Variants in ASIC2 observed in about 807,000 individuals in gnomAD.
ASIC2 encodes the protein acid-sensing ion channel 2.
A neutral mutation model predicts 57.3 loss-of-function variants in ASIC2; 25 were observed. The ratio of observed to expected loss-of-function variants is 0.44; its 90% CI spans 0.32 to 0.61. The LOEUF is 0.61. Ranked by LOEUF, ASIC2 falls within the 20% of genes least tolerant of loss-of-function variation. The pLI is 0.06. For synonymous variants in ASIC2, 319 were observed against 307.5 expected (o/e 1.04, Z -0.39); for missense variants, 641 against 738.1 (o/e 0.87, Z 1.52).
chr17:33,057,602 G>A (rs1311371001), intron 3 of ASIC2, among the ~76,000 whole-genome samples: 5 of 152,216 alleles, frequency 3.3e-5, no homozygotes, highest in Non-Finnish European at 2.9e-5. Flanking sequence ...TCTGGGCAGA[G>A]GAACTGCCCT....
chr17:33,879,534 C>A (rs1474554753), intron 1 of ASIC2, among the ~76,000 whole-genome samples: 1 of 152,160 alleles, frequency 6.6e-6, no homozygotes, highest in African/African-American at 2.4e-5. Context: ...GTAAAGGGAT[C>A]AATGCAACAA....
intron 1 of ASIC2, among the ~76,000 whole-genome samples, chr17:33,662,637 AAATAAAT>A (rs1907311275): frequency 7.7e-6 from 1 of 129,500 alleles, no homozygotes; most frequent in Non-Finnish European, 1.6e-5. Context: ...ATAAATAAAT[AAATAAAT>A]AAATAAATAA....
intron 1 of ASIC2, among the ~76,000 whole-genome samples, chr17:33,956,905 T>C (rs1904751295): frequency 6.6e-6 from 1 of 152,358 alleles, no homozygotes; most frequent in South Asian, 2.1e-4. Flanking sequence ...GACAGTTGCC[T>C]ACCTCTGCAA....
At chr17:34,110,392 G>A (rs1473050004) in intron 1 of ASIC2, among the ~76,000 whole-genome samples, 2 of 152,182 alleles carry the variant, frequency 1.3e-5, no homozygotes, top group Non-Finnish European at 2.9e-5. Context: ...ACTGCCCTAG[G>A]AAACCTAGCT....
intron 1 of ASIC2, among the ~76,000 whole-genome samples, chr17:33,896,042 C>T (rs574535267): frequency 6.6e-6 from 1 of 152,252 alleles, no homozygotes; most frequent in South Asian, 2.1e-4. Flanking sequence ...TCAGTAGGCA[C>T]TCAGTAGAAA....
chr17:33,372,991 C>A (rs983085809), intron 1 of ASIC2, among the ~76,000 whole-genome samples: 1 of 152,142 alleles, frequency 6.6e-6, no homozygotes, highest in African/African-American at 2.4e-5. Context: ...GGAACACCTC[C>A]ATCAGTGATG....
chr17:33,872,503 A>G (rs1443967627), intron 1 of ASIC2, among the ~76,000 whole-genome samples: 2 of 152,156 alleles, frequency 1.3e-5, no homozygotes, highest in African/African-American at 4.8e-5. Context: ...TCAGACACCT[A>G]TTCTCATGGA....
chr17:33,087,795 G>A (rs1334494769), intron 3 of ASIC2, among the ~76,000 whole-genome samples: 6 of 151,758 alleles, frequency 4.0e-5, no homozygotes, highest in Non-Finnish European at 8.8e-5. Context: ...CTGGGCTCAA[G>A]GAATTCTCCT....
intron 1 of ASIC2, among the ~76,000 whole-genome samples, chr17:33,361,731 A>G (rs1908615126): frequency 6.6e-6 from 1 of 152,216 alleles, no homozygotes; most frequent in African/African-American, 2.4e-5. Context: ...TCTAGATGCC[A>G]GGACTCCAGT....
In ASIC2 at chr17:33,878,511, T is replaced by C. The variant is rs144522647; in HGVS notation, c.555+277467A>G. 4.1e-3 allele frequency among the ~76,000 whole-genome samples: 625 copies of C among 152,190 alleles called. 3 individuals are homozygous for C. The highest frequency in any genetic ancestry group is 0.014 in the African/African-American group (602 of 41,518). On this transcript the variant is annotated intron_variant, in intron 1 of 9. Coordinates refer to the ASIC2 transcript ENST00000359872. ...CAACTGGAAGAAAGGAGATCAGTGA[T>C]GGAAGATCAAATGAATGAAATGAAG...
chr17:33,783,774 C>G (rs933889738), intron 1 of ASIC2, among the ~76,000 whole-genome samples: 1 of 152,248 alleles, frequency 6.6e-6, no homozygotes, highest in Non-Finnish European at 1.5e-5. Context: ...TTAGTCCCAA[C>G]TCCAGTTGTA....
At chr17:33,568,753 C>T (rs1222409948) in intron 1 of ASIC2, among the ~76,000 whole-genome samples, 1 of 152,152 alleles carries the variant, frequency 6.6e-6, no homozygotes, top group Non-Finnish European at 1.5e-5. Flanking sequence ...ATGTATTTCA[C>T]CTCAGAATCT....
At chr17:33,247,524 C>T (rs1908732125) in intron 1 of ASIC2, among the ~76,000 whole-genome samples, 1 of 152,124 alleles carries the variant, frequency 6.6e-6, no homozygotes, top group African/African-American at 2.4e-5. Context: ...AGTTTTGAAC[C>T]TACCAGTATT....
chr17:34,147,192 G>A (rs542466975), intron 1 of ASIC2: 1 of 152,262 alleles, frequency 6.6e-6, no homozygotes, highest in African/African-American at 2.4e-5. Flanking sequence ...AGCGGTACAG[G>A]TTGGCAAGTC....
At chr17:33,442,892 C>T (rs1263820474) in intron 1 of ASIC2, among the ~76,000 whole-genome samples, 1 of 152,166 alleles carries the variant, frequency 6.6e-6, no homozygotes, top group Admixed American at 6.5e-5. Context: ...TCATCATTAA[C>T]ATCAGGCAAA....
intron 1 of ASIC2, among the ~76,000 whole-genome samples, chr17:33,227,356 C>T (rs1390378174): frequency 6.6e-6 from 1 of 152,182 alleles, no homozygotes; most frequent in Non-Finnish European, 1.5e-5. Context: ...TGGAGACATT[C>T]CCAGGCCCCT....
intron 1 of ASIC2, among the ~76,000 whole-genome samples, chr17:33,985,200 C>T (rs1409999226): frequency 6.6e-6 from 1 of 152,142 alleles, no homozygotes; most frequent in African/African-American, 2.4e-5. Context: ...CCAGGAACAC[C>T]TTGGATAGAC....
chr17:33,696,478 G>A (rs1314172475), intron 1 of ASIC2, among the ~76,000 whole-genome samples: 1 of 152,202 alleles, frequency 6.6e-6, no homozygotes, highest in Non-Finnish European at 1.5e-5. Flanking sequence ...TGAGGGGAAA[G>A]CACTAGGTAA....
intron 1 of ASIC2, among the ~76,000 whole-genome samples, chr17:33,126,652 G>T (rs2092324049): frequency 6.6e-6 from 1 of 152,022 alleles, no homozygotes; most frequent in African/African-American, 2.4e-5. Context: ...TGGATGTGGT[G>T]GTGTGCACCA....
Sources: allele counts gnomAD v4.1 joint callset (sites outside exome capture counted in the v4.1 genomes callset), GRCh38; gene constraint gnomAD v4.1.1; transcripts MANE v1.5; gene names NCBI Gene and HGNC (gene_info 2026-07-23, HGNC 2026-07-21).